USP12: variants seen among roughly 807,000 people sequenced by gnomAD.
USP12 encodes the protein ubiquitin specific peptidase 12.
Under a neutral mutation model 45.5 loss-of-function variants are expected in USP12, and 19 were observed. The ratio of observed to expected loss-of-function variants is 0.42; its 90% CI spans 0.29 to 0.61. The LOEUF (loss-of-function observed/expected upper bound fraction) is 0.61. USP12 is among the 20% of genes least tolerant of loss of function. USP12 has a pLI of 0.22. For synonymous variants in USP12, 149 were observed against 148.8 expected (o/e 1.00, Z -0.01); for missense variants, 242 against 447.7 (o/e 0.54, Z 4.15).
At chr13:27,079,789 A>T (rs1873665431) in intron 6 of USP12, among the ~76,000 whole-genome samples, 1 of 152,218 alleles carries the variant, frequency 6.6e-6, no homozygotes, top group Non-Finnish European at 1.5e-5. Flanking sequence ...GGCACTTAAG[A>T]ACTTACCAAC....
At chr13:27,126,901 C>T (rs190245732) in intron 1 of USP12, among the ~76,000 whole-genome samples, 1 of 152,232 alleles carries the variant, frequency 6.6e-6, no homozygotes, top group Non-Finnish European at 1.5e-5. Context: ...CCTGGCACAA[C>T]AGGCACAAAG....
At chr13:27,091,840 A>G (rs565494171) in intron 4 of USP12, among the ~76,000 whole-genome samples, 3 of 152,218 alleles carry the variant, frequency 2.0e-5, no homozygotes, top group Admixed American at 6.5e-5. Context: ...CCAGCTTCCT[A>G]CCACCTGAGA....
At chr13:27,152,835 A>G (rs557398334) in intron 1 of USP12, among the ~76,000 whole-genome samples, 53 of 151,060 alleles carry the variant, frequency 3.5e-4, no homozygotes, top group Non-Finnish European at 6.6e-4. Flanking sequence ...CCAGCTACTC[A>G]GGAGGCTGAG....
At position 27,066,635 on chromosome 13, in the gene USP12, C is replaced by G. The variant is rs547469677; in HGVS notation, c.*2648G>C. The G allele has an allele frequency of 2.0e-5, 3 of 152,222 alleles. No homozygotes were observed. The East Asian group carries it at 5.8e-4, about 29-fold the overall frequency. 9.4% of individuals were successfully genotyped at this position (152,222 alleles called of 1,614,324 possible). A position where few individuals can be genotyped will look rare whatever the true frequency, so the allele number is the denominator to read the frequency against. On this transcript the variant is annotated 3_prime_UTR_variant, in exon 9 of 9. Transcript: ENST00000282344. ...AAGGTAAAATTTCCAAGACAGAAGC[C>G]ATGTGACTTAAGAAGTGGGACTTAA...
rs886300659 is a variant in USP12 at position 27,067,207 on chromosome 13, T to C, written c.*2076A>G. 1 of 152,224 alleles carries C rather than the reference T, an allele frequency of 6.6e-6. No homozygotes were observed. The highest frequency in any genetic ancestry group is 2.4e-5 in the African/African-American group (1 of 41,446). 9.4% of individuals were successfully genotyped at this position (152,224 alleles called of 1,614,324 possible). Reference sequence around the variant, plus strand: ...GTACCTTTATGCAAATGACTTCATCTATCTTTCTTAAACATGTTGATATAG... The same window carrying C: ...GTACCTTTATGCAAATGACTTCATCCATCTTTCTTAAACATGTTGATATAG... On this transcript the variant is annotated 3_prime_UTR_variant, in exon 9 of 9. Transcript: ENST00000282344.
chr13:27,101,769 T>A (rs535375389), intron 3 of USP12, among the ~76,000 whole-genome samples: 1 of 152,340 alleles, frequency 6.6e-6, no homozygotes, highest in Admixed American at 6.5e-5. Flanking sequence ...AGAAAAAGAA[T>A]TGTTTGAAAT....
chr13:27,070,240 C>A (rs933619000), intron 8 of USP12, among the ~76,000 whole-genome samples: 1 of 152,078 alleles, frequency 6.6e-6, no homozygotes, highest in South Asian at 2.1e-4. Flanking sequence ...TATATTCAAG[C>A]CTAGGCAAAA....
In USP12 at chr13:27,106,516, T is replaced by C. The variant is rs534257992; in HGVS notation, c.130-572A>G. Among the ~76,000 whole-genome samples, 37 of 152,238 alleles carry C rather than the reference T, an allele frequency of 2.4e-4. No individual in the cohort carries two copies. The South Asian group carries it at 7.7e-3, about 32-fold the overall frequency. On this transcript the variant is annotated intron_variant, in intron 2 of 8. Transcript: ENST00000282344. ...ATTAATAAACACTGGCTCTAAAAGC[T>C]ATAAAACAGCTAAAAGTCAGTCATG...
At chr13:27,108,976 A>C (rs575449674) in intron 2 of USP12, among the ~76,000 whole-genome samples, 1 of 152,318 alleles carries the variant, frequency 6.6e-6, no homozygotes, top group Non-Finnish European at 1.5e-5. Context: ...GTGTGTATAT[A>C]CACATAATGA....
intron 1 of USP12, among the ~76,000 whole-genome samples, chr13:27,167,337 G>T (rs1012941829): frequency 1.3e-5 from 2 of 151,862 alleles, no homozygotes; most frequent in Non-Finnish European, 2.9e-5. Flanking sequence ...TTGCTTTCTT[G>T]GAGTTTTTAT....
chr13:27,100,523 C>T (rs1264574415), intron 3 of USP12, among the ~76,000 whole-genome samples: 1 of 152,224 alleles, frequency 6.6e-6, no homozygotes, highest in Non-Finnish European at 1.5e-5. Flanking sequence ...TCCTCATCCA[C>T]TGATGGCCTG....
At chr13:27,126,252 C>G (rs933140081) in intron 1 of USP12, among the ~76,000 whole-genome samples, 1 of 152,156 alleles carries the variant, frequency 6.6e-6, no homozygotes, top group Admixed American at 6.5e-5. Flanking sequence ...CAGGCTGGTG[C>G]CCCCTGGGAC....
intron 6 of USP12, chr13:27,077,641 A>C (rs1395636323): frequency 8.5e-5 from 13 of 152,244 alleles, no homozygotes; most frequent in Admixed American, 7.2e-4. Context: ...CATATTTTAA[A>C]GATGATGAGA....
At chr13:27,095,032 G>A (rs971349780) in intron 4 of USP12, among the ~76,000 whole-genome samples, 4 of 152,248 alleles carry the variant, frequency 2.6e-5, no homozygotes, top group South Asian at 2.1e-4. Flanking sequence ...GCACGTGCTC[G>A]TGGTCCTTGC....
At chr13:27,131,998 A>G (rs1247508511) in intron 1 of USP12, among the ~76,000 whole-genome samples, 1 of 152,176 alleles carries the variant, frequency 6.6e-6, no homozygotes, top group Non-Finnish European at 1.5e-5. Context: ...TGGGTAGAGT[A>G]TTGTTCTAGT....
chr13:27,170,396 A>C (rs1159282584), intron 1 of USP12: 1 of 398,526 alleles, frequency 2.5e-6, no homozygotes, highest in East Asian at 3.6e-5. Context: ...TCCTATATGA[A>C]ATCAGTTGCA....
chr13:27,113,153 T>C (rs1875544232), intron 2 of USP12, among the ~76,000 whole-genome samples: 1 of 151,980 alleles, frequency 6.6e-6, no homozygotes, highest in Non-Finnish European at 1.5e-5. Context: ...GAGGACGGCT[T>C]GAGCCAAGAA....
intron 6 of USP12, 146 bp from the exon 7 acceptor site, chr13:27,075,534 A>AT: frequency 1.4e-6 from 1 of 702,410 alleles, no homozygotes; most frequent in Non-Finnish European, 2.3e-6. Flanking sequence ...ATTTCTATCA[A>AT]TTATTTTTAT....
At chr13:27,087,498 C>T (rs1032975275) in intron 6 of USP12, among the ~76,000 whole-genome samples, 2 of 152,038 alleles carry the variant, frequency 1.3e-5, no homozygotes, top group African/African-American at 4.8e-5. Flanking sequence ...GATCAATAGA[C>T]GTAGAAGAGA....
Sources: allele counts gnomAD v4.1 joint callset (sites outside exome capture counted in the v4.1 genomes callset), GRCh38; gene constraint gnomAD v4.1.1; transcripts MANE v1.5; gene names NCBI Gene and HGNC (gene_info 2026-07-23, HGNC 2026-07-21).